Variants in ZC3HC1 observed in about 807,000 individuals in gnomAD.
ZC3HC1 encodes the protein zinc finger C3HC-type protein 1.
In ZC3HC1, 38 loss-of-function variants were observed where a neutral mutation model predicts 61.9. The ratio of observed to expected loss-of-function variants is 0.61; its 90% CI spans 0.47 to 0.81. The LOEUF is 0.81. ZC3HC1 is among the 30% of genes least tolerant of loss of function. The pLI is 0.00. For missense variants in ZC3HC1, 554 were observed against 622.7 expected, an observed-to-expected ratio of 0.89 and a Z score of 1.17; for synonymous variants, 213 against 229.9, an observed-to-expected ratio of 0.93 and a Z score of 0.67.
In ZC3HC1 at chr7:130,023,184, C is replaced by T. The variant is rs1160126585; in HGVS notation, c.1233+327G>A. The stretch of plus-strand genomic sequence containing the variant: ...CGAAACCATCCTCCCAACCGTGGTC[C>T]GTGGAAAAATGGTCTTCCATGAAAA... On this transcript the variant is annotated intron_variant, in intron 8 of 9. Coordinates refer to ENST00000358303, the MANE Select transcript of ZC3HC1 (RefSeq NM_016478.5). This position sits in a 1 kb window ranked among gnomAD's most constrained non-coding sequence, Gnocchi z 4.2. 4 of 328,396 alleles carry T rather than the reference C, an allele frequency of 1.2e-5. No individual in the cohort carries two copies. The highest frequency in any genetic ancestry group is 9.4e-4 in the Middle Eastern group (1 of 1,066). The allele number at this position is 328,396 out of a possible 1,614,324, so 20.3% of individuals were successfully genotyped here.
At chr7:130,040,887 C>T (rs542849657) in intron 3 of ZC3HC1, 64 bp downstream of exon 3, 11 of 1,442,550 alleles carry the variant, frequency 7.6e-6, no homozygotes, top group East Asian at 2.5e-5. Context: ...TTTTCCCCCC[C>T]CAGAAAACCA....
In ZC3HC1 at chr7:130,024,393, G is replaced by A; in HGVS notation, c.890C>T (p.Ser297Phe). 6.2e-7 allele frequency: 1 copy of A among 1,614,086 alleles called. No individual in the cohort carries two copies. Among genetic ancestry groups the A allele is most frequent in the Non-Finnish European group, 8.5e-7 (1 of 1,180,026 alleles). Residue 297 changes from serine to phenylalanine, a missense_variant, in exon 7 of 10, where the codon TCC becomes TTC. Ser to Phe is a radical substitution (Grantham distance 155). Transcript: ENST00000358303. The part of the protein sequence containing the change: ...IESSMTDLDA[S>F]FGLTSSPIPG... ...GATTGGGGAGCTGGTCAGGCCAAAGGATGCATCCAGGTCAGTCATGGACGA... is the reference window on the plus strand; with the variant it reads ...GATTGGGGAGCTGGTCAGGCCAAAGAATGCATCCAGGTCAGTCATGGACGA...
At chr7:130,039,412 A>T in intron 4 of ZC3HC1, 52 bp downstream of exon 4, 1 of 1,403,402 alleles carries the variant, frequency 7.1e-7, no homozygotes, top group Non-Finnish European at 9.9e-7. Flanking sequence ...ACAATATTAG[A>T]AATGCAATGA....
chr7:130,035,284 G>A (rs376759846), intron 4 of ZC3HC1, among the ~76,000 whole-genome samples: 17 of 151,840 alleles, frequency 1.1e-4, no homozygotes, highest in East Asian at 3.9e-4. Context: ...CCAGGTACTC[G>A]GGGGTGCTGA....
intron 7 of ZC3HC1, 56 bp downstream of exon 7, chr7:130,024,207 A>G: frequency 6.5e-7 from 1 of 1,534,416 alleles, no homozygotes; most frequent in South Asian, 1.3e-5. Context: ...TCTACCAACA[A>G]CACTTTTGCC....
chr7:130,021,547 C>T (rs3807123), intron 9 of ZC3HC1, among the ~76,000 whole-genome samples: 1 of 152,180 alleles, frequency 6.6e-6, no homozygotes, highest in East Asian at 1.9e-4. Flanking sequence ...GAGTCACAGT[C>T]TGGGCTGTGG....
chr7:130,050,370 G>A (rs1795030175), intron 1 of ZC3HC1: 2 of 1,504,562 alleles, frequency 1.3e-6, no homozygotes, highest in Admixed American at 2.0e-5. Context: ...GAGCCACCGC[G>A]CCCGGCGACA....
At chr7:130,032,123 C>T (rs867673968) in intron 4 of ZC3HC1, among the ~76,000 whole-genome samples, 18 of 151,756 alleles carry the variant, frequency 1.2e-4, no homozygotes, top group South Asian at 1.0e-3. Context: ...ACTCGGGAGG[C>T]TGAGGCAGGA....
chr7:130,032,668 TGGAAGGAAGGAAGGAAGGAAGGAAGGAA>T (rs374532483), intron 4 of ZC3HC1, among the ~76,000 whole-genome samples: 6 of 58,008 alleles, frequency 1.0e-4, no homozygotes, highest in Non-Finnish European at 1.3e-4. Flanking sequence ...ATAGAAGAAA[TGGAAGGAAGGAAGGAAGGAAGGAAGGAA>T]GGAAGGAAGG....
At chr7:130,032,846 A>G (rs1483888695) in intron 4 of ZC3HC1, among the ~76,000 whole-genome samples, 1 of 138,114 alleles carries the variant, frequency 7.2e-6, no homozygotes, top group African/African-American at 2.7e-5. Context: ...GATGGGAAGG[A>G]GGGGAAGGAG....
chr7:130,040,113 T>TA (rs1175903556), intron 3 of ZC3HC1, among the ~76,000 whole-genome samples: 1 of 126,510 alleles, frequency 7.9e-6, no homozygotes, highest in African/African-American at 3.1e-5. Context: ...TTTGGAATAA[T>TA]AAAGTAAACA....
intron 9 of ZC3HC1, 137 bp downstream of exon 9, chr7:130,022,182 C>T: frequency 8.5e-7 from 1 of 1,169,714 alleles, no homozygotes; most frequent in Non-Finnish European, 1.2e-6. Context: ...AAAAAACAAA[C>T]AAACAAACAA....
At chr7:130,030,196 T>A (rs75348066) in intron 4 of ZC3HC1, among the ~76,000 whole-genome samples, 2 of 144 alleles carry the variant, frequency 0.014, no homozygotes, top group South Asian at 0.25. Context: ...TGAATCAGCC[T>A]TTTTTTTTTT....
At chr7:130,031,563 G>A (rs1794196152) in intron 4 of ZC3HC1, among the ~76,000 whole-genome samples, 1 of 152,164 alleles carries the variant, frequency 6.6e-6, no homozygotes, top group Non-Finnish European at 1.5e-5. Context: ...TAACATCACA[G>A]TTGCTTTGAG....
At chr7:130,032,721 A>AGGGAAGGAGGGAG (rs1263668672) in intron 4 of ZC3HC1, among the ~76,000 whole-genome samples, 1 of 55,972 alleles carries the variant, frequency 1.8e-5, no homozygotes, top group Admixed American at 2.2e-4. Context: ...AAGGAAGGGA[A>AGGGAAGGAGGGAG]GGAGGGAGGG....
chr7:130,049,549 C>CTTT (rs148074514), intron 1 of ZC3HC1, among the ~76,000 whole-genome samples: 1 of 146,974 alleles, frequency 6.8e-6, no homozygotes, highest in Non-Finnish European at 1.5e-5. Flanking sequence ...AGAAATTCGA[C>CTTT]TTTTTTTTTT....
At chr7:130,048,116 A>G (rs1489893117) in intron 2 of ZC3HC1, among the ~76,000 whole-genome samples, 4 of 142,282 alleles carry the variant, frequency 2.8e-5, no homozygotes, top group Non-Finnish European at 4.6e-5. Context: ...CCAATGACTG[A>G]GTTTGGAAGT....
At chr7:130,043,990 G>C in intron 2 of ZC3HC1, 1 of 376,450 alleles carries the variant, frequency 2.7e-6, no homozygotes, top group Middle Eastern at 3.7e-4. Flanking sequence ...ATTGCAACTG[G>C]AGATGTCAGC....
chr7:130,040,011 C>T (rs58428125), intron 3 of ZC3HC1, among the ~76,000 whole-genome samples: 1 of 150,772 alleles, frequency 6.6e-6, no homozygotes, highest in South Asian at 2.1e-4. Flanking sequence ...TGAGCCACTG[C>T]GCCCGGCCCC....
Sources: allele counts gnomAD v4.1 joint callset (sites outside exome capture counted in the v4.1 genomes callset), GRCh38; gene constraint gnomAD v4.1.1; non-coding constraint Gnocchi (gnomAD v3.1); transcripts MANE v1.5; gene names NCBI Gene and HGNC (gene_info 2026-07-23, HGNC 2026-07-21).